FMOD: variants seen among roughly 807,000 people sequenced by gnomAD.
FMOD encodes the protein KSPG fibromodulin.
Under a neutral mutation model 27.0 loss-of-function variants are expected in FMOD, and 15 were observed. The observed-to-expected ratio is 0.55, with a 90% CI of 0.37 to 0.85. The LOEUF (loss-of-function observed/expected upper bound fraction) is 0.85. FMOD is among the 40% of genes least tolerant of loss of function. The probability of loss-of-function intolerance (pLI) is 0.00; values close to 1 mark genes in which losing one functional copy is unlikely to be tolerated. For synonymous variants in FMOD, 210 were observed against 214.0 expected (o/e 0.98, Z 0.16); for missense variants, 460 against 483.2 (o/e 0.95, Z 0.45).
chr1:203,342,358 G>A lies in FMOD; in HGVS notation c.1116C>T (p.Ser372=). ...ADAPLCLRLA[S]LIEI is the part of the protein sequence containing the mutation. The stretch of plus-strand genomic sequence containing the variant: ...CCAGGGCTGCTCAGATCTCGATGAG[G>A]CTGGCAAGGCGCAGGCAGAGGGGCG... The change falls in exon 3 of 3, where the codon AGC becomes AGT. Residue 372 remains serine, a synonymous_variant. Coordinates refer to ENST00000354955, the MANE Select transcript of FMOD (RefSeq NM_002023.5). 6.2e-7 allele frequency: 1 copy of A among 1,612,190 alleles called. No individual in the cohort carries two copies. Among genetic ancestry groups the A allele is most frequent in the Non-Finnish European group, 8.5e-7 (1 of 1,178,646 alleles).
chr1:203,341,489 T>A lies in FMOD; in HGVS notation c.*854A>T, dbSNP rs1330172240. On this transcript the variant is annotated 3_prime_UTR_variant, in exon 3 of 3. Coordinates refer to ENST00000354955, the MANE Select transcript of FMOD (RefSeq NM_002023.5). ...TTCTCAACTCAGCCAATTTGAGGTG[T>A]GTTTGGCCCATTGCAGATGCTGATG... 6.6e-6 allele frequency: 1 copy of A among 152,146 alleles called. No homozygotes were observed. The highest frequency in any genetic ancestry group is 6.6e-5 in the Admixed American group (1 of 15,264). The allele number at this position is 152,146 out of a possible 1,614,324, so 9.4% of individuals were successfully genotyped here. A position where few individuals can be genotyped will look rare whatever the true frequency, so the allele number is the denominator to read the frequency against.
chr1:203,345,742 T>C (rs1191937095), intron 2 of FMOD, among the ~76,000 whole-genome samples: 2 of 151,868 alleles, frequency 1.3e-5, no homozygotes, highest in Non-Finnish European at 2.9e-5. Flanking sequence ...ACTAAAAATA[T>C]AAAAAGTTGG....
Position 203,347,340 on chromosome 1 carries a change from C to G in FMOD, c.931G>C (p.Val311Leu). 6.2e-7 allele frequency: 1 copy of G among 1,613,982 alleles called. No homozygotes were observed. Among genetic ancestry groups the G allele is most frequent in the Non-Finnish European group, 8.5e-7 (1 of 1,179,918 alleles). Residue 311 changes from valine (V) to leucine (L), a missense_variant, in exon 2 of 3, where the codon GTC (valine) becomes CTC (leucine). By Grantham distance (32) the Val-to-Leu change is conservative. Coordinates refer to ENST00000354955, the MANE Select transcript of FMOD (RefSeq NM_002023.5). The stretch of plus-strand genomic sequence containing the variant: ...TAGAGGTTCTCCAGGTTGGTGTTGA[C>G]TGGGGGGATCTTCTGCAGCTGGTTG... The part of the protein sequence containing the change: ...SYNQLQKIPP[V>L]NTNLENLYLQ...
intron 1 of FMOD, among the ~76,000 whole-genome samples, chr1:203,348,918 C>T (rs1426103596): frequency 6.6e-6 from 1 of 152,194 alleles, no homozygotes; most frequent in Non-Finnish European, 1.5e-5. Context: ...AGGTTGCCCT[C>T]CAAAGTGCCA....
chr1:203,348,276 C>T lies in FMOD; in HGVS notation c.-6G>A. On this transcript the variant is annotated splice_region_variant and 5_prime_UTR_variant, in exon 2 of 3. Coordinates refer to ENST00000354955, the MANE Select transcript of FMOD (RefSeq NM_002023.5). ...AGGAGGGAGGTCCACTGCATTTTGT[C>T]TCTGCAAGAAGCGGGAGAGAACAGA... is the stretch of plus-strand genomic sequence containing the variant. 6.2e-7 allele frequency: 1 copy of T among 1,611,054 alleles called. No individual in the cohort carries two copies. Among genetic ancestry groups the T allele is most frequent in the Middle Eastern group, 1.7e-4 (1 of 6,044 alleles).
At position 203,348,102 on chromosome 1, in the gene FMOD, C is replaced by T; in HGVS notation, c.169G>A (p.Val57Met). The T allele has an allele frequency of 6.2e-7, 1 of 1,614,128 alleles. No individual in the cohort carries two copies. Among genetic ancestry groups the T allele is most frequent in the Non-Finnish European group, 8.5e-7 (1 of 1,180,010 alleles). Residue 57 changes from valine to methionine, a missense_variant, in exon 2 of 3, where the codon GTG (valine) becomes ATG (methionine). Physicochemically the swap from Val to Met is conservative, Grantham distance 21 (BLOSUM62 1). Transcript: ENST00000354955. ...YETYEPYPYG[V>M]DEGPAYTYGS... is the part of the protein sequence containing the mutation. The stretch of plus-strand genomic sequence containing the variant: ...TAGGTGTAGGCTGGCCCTTCATCCA[C>T]CCCATAGGGGTAAGGCTCGTAGGTC...
chr1:203,349,708 C>T (rs1038753366), intron 1 of FMOD, among the ~76,000 whole-genome samples: 16 of 152,214 alleles, frequency 1.1e-4, no homozygotes, highest in African/African-American at 3.9e-4. Context: ...AAGCCAACAT[C>T]ATCAGATCCA....
In FMOD at chr1:203,342,414, C is replaced by G. The variant is rs148311417; in HGVS notation, c.1060G>C (p.Glu354Gln). 6.2e-7 allele frequency: 1 copy of G among 1,614,142 alleles called. No individual in the cohort carries two copies. The highest frequency in any genetic ancestry group is 8.5e-7 in the Non-Finnish European group (1 of 1,180,018). Reference protein sequence around the residue: ...KLQVLRLDGNEIKRSAMPADA... With the variant: ...KLQVLRLDGNQIKRSAMPADA... ...GCAGGCATGGCGCTGCGCTTGATCT[C>G]GTTCCCGTCCAGGCGCAGCACCTGC... The change falls in exon 3 of 3, where the codon GAG becomes CAG. Residue 354 changes from glutamate (E) to glutamine (Q), a missense_variant. By Grantham distance (29) the Glu-to-Gln change is conservative. Coordinates refer to ENST00000354955, the MANE Select transcript of FMOD (RefSeq NM_002023.5).
At chr1:203,342,644 T>TA (rs1658815764) in intron 2 of FMOD, 150 bp from the exon 3 acceptor site, 1 of 777,626 alleles carries the variant, frequency 1.3e-6, no homozygotes. Context: ...GAGTCATACT[T>TA]ACTGGCGCCA....
intron 1 of FMOD, 56 bp from the exon 2 acceptor site, chr1:203,348,333 C>G (rs1658934044): frequency 2.6e-6 from 4 of 1,552,804 alleles, no homozygotes; most frequent in Non-Finnish European, 3.5e-6. Context: ...TCCACAGAGG[C>G]AGTGAGGCAG....
At position 203,347,712 on chromosome 1, in the gene FMOD, G is replaced by C; in HGVS notation, c.559C>G (p.Gln187Glu). 6.2e-7 allele frequency: 1 copy of C among 1,614,064 alleles called. No homozygotes were observed. Among genetic ancestry groups the C allele is most frequent in the Non-Finnish European group, 8.5e-7 (1 of 1,180,026 alleles). Residue 187 changes from glutamine to glutamate, a missense_variant, in exon 2 of 3, where the codon CAG becomes GAG. Gln to Glu is a conservative substitution (Grantham distance 29, BLOSUM62 2). Coordinates refer to ENST00000354955, the MANE Select transcript of FMOD (RefSeq NM_002023.5). ...SLRELHLDHN[Q>E]ISRVPNNALE... Reference sequence around the variant, plus strand: ...GCATTGTTGGGGACCCGTGAGATCTGGTTGTGGTCGAGATGGAGCTCTCTC... The same window carrying C: ...GCATTGTTGGGGACCCGTGAGATCTCGTTGTGGTCGAGATGGAGCTCTCTC...
Position 203,347,800 on chromosome 1 carries a change from C to A in FMOD, c.471G>T (p.Leu157=), listed in dbSNP as rs768412407. 1 of 1,613,864 alleles carries A rather than the reference C, an allele frequency of 6.2e-7. No homozygotes were observed. Residue 157 remains leucine (L), a synonymous_variant, in exon 2 of 3, where the codon CTG becomes CTT. Transcript: ENST00000354955. The part of the protein sequence containing the change: ...GRKVFSKLRH[L]ERLYLDHNNL... ...TGTTGTGGTCCAGGTACAGCCTCTC[C>A]AGGTGCCTCAGCTTGGAGAAGACCT...
chr1:203,349,690 G>C lies in FMOD; in HGVS notation c.-8+1343C>G, dbSNP rs571752324. Among the ~76,000 whole-genome samples the C allele has an allele frequency of 3.0e-4, 45 of 152,280 alleles. No individual in the cohort carries two copies. The South Asian group carries it at 4.6e-3, about 15-fold the overall frequency. On this transcript the variant is annotated intron_variant, in intron 1 of 2. Transcript: ENST00000354955. The stretch of plus-strand genomic sequence containing the variant: ...GCAACTGTAAACAGAAGAAAGAAAG[G>C]AGTATAAAAGCCAACATCATCAGAT...
chr1:203,350,745 C>G (rs542256898), intron 1 of FMOD, among the ~76,000 whole-genome samples: 546 of 152,314 alleles, frequency 3.6e-3, no homozygotes, highest in African/African-American at 0.012. Context: ...TTATGAGTAG[C>G]AGGGAAGAAG....
At chr1:203,350,929 T>C (rs1658988494) in intron 1 of FMOD, 104 bp downstream of exon 1, 1 of 152,256 alleles carries the variant, frequency 6.6e-6, no homozygotes, top group Non-Finnish European at 1.5e-5. Context: ...GAAGGAGGAA[T>C]GAACCCTCCC....
intron 2 of FMOD, 96 bp from the exon 3 acceptor site, chr1:203,342,590 AG>A: frequency 7.7e-7 from 1 of 1,296,530 alleles, no homozygotes; most frequent in East Asian, 2.5e-5. Context: ...GCTTAGATAA[AG>A]GGGTGGAAGT....
In FMOD at chr1:203,341,617, G is replaced by A. The variant is rs1658796370; in HGVS notation, c.*726C>T. 1 of 152,168 alleles carries A rather than the reference G, an allele frequency of 6.6e-6. No individual in the cohort carries two copies. Among genetic ancestry groups the A allele is most frequent in the Non-Finnish European group, 1.5e-5 (1 of 68,052 alleles). The allele number at this position is 152,168 out of a possible 1,614,324, so 9.4% of individuals were successfully genotyped here. A position where few individuals can be genotyped will look rare whatever the true frequency, so the allele number is the denominator to read the frequency against. ...TATACATTGATCTAAGCCTGAGGTT[G>A]GCTGTCTCCTCCCACATCAGGTCAT... On this transcript the variant is annotated 3_prime_UTR_variant, in exon 3 of 3. Coordinates refer to ENST00000354955, the MANE Select transcript of FMOD (RefSeq NM_002023.5).
chr1:203,347,217 G>T (rs1571518973), intron 2 of FMOD, 75 bp downstream of exon 2: 4 of 1,497,892 alleles, frequency 2.7e-6, no homozygotes, highest in East Asian at 2.3e-5. Context: ...CTTTTGTTTT[G>T]CCACTAGCAC....
chr1:203,343,743 G>T (rs905264378), intron 2 of FMOD, among the ~76,000 whole-genome samples: 20 of 152,172 alleles, frequency 1.3e-4, no homozygotes, highest in African/African-American at 4.6e-4. Context: ...TCTATTCTTA[G>T]GTGTGACCAT....
Sources: gnomAD v4.1 joint callset for allele counts (sites outside exome capture counted in the v4.1 genomes callset) on GRCh38, gnomAD v4.1.1 for gene constraint, MANE v1.5 for transcripts, NCBI Gene and HGNC (gene_info 2026-07-23, HGNC 2026-07-21) for gene names.